The following NEK11 variants were observed in gnomAD, a reference collection of about 807,000 sequenced individuals.
The protein encoded by NEK11 is serine/threonine-protein kinase Nek11.
NEK11 carries 72 observed loss-of-function variants against 80.7 expected under a neutral mutation model. That is an observed-to-expected ratio of 0.89 (90% confidence interval 0.74 to 1.08). The LOEUF is 1.08. NEK11 is among the 50% of genes least tolerant of loss of function. The pLI is 0.00. For synonymous variants in NEK11, 251 were observed against 260.7 expected, an observed-to-expected ratio of 0.96 and a Z score of 0.36; for missense variants, 764 against 763.6, an observed-to-expected ratio of 1.00 and a Z score of -0.01.
chr3:131,143,112 G>C (rs1261428593), intron 7 of NEK11, among the ~76,000 whole-genome samples: 1 of 152,154 alleles, frequency 6.6e-6, no homozygotes, highest in Non-Finnish European at 1.5e-5. Flanking sequence ...GCCAAATGTG[G>C]CTGGTGGCTA....
rs1388654804 is a variant in NEK11, at chr3:131,034,975, A to G, written c.170+5097A>G. On this transcript the variant is annotated intron_variant, in intron 3 of 17. Coordinates refer to ENST00000383366, the MANE Select transcript of NEK11 (RefSeq NM_024800.5). ...TGGTCCTATCCAAGTGCGTATCCAA[A>G]TATTTTACCCCTTAACTGTGATCGT... 2.0e-5 allele frequency among the ~76,000 whole-genome samples: 3 copies of G among 152,168 alleles called. No homozygotes were observed. The East Asian group carries it at 5.8e-4, about 29-fold the overall frequency.
In NEK11 at chr3:131,125,409, T is replaced by C. The variant is rs147681354; in HGVS notation, c.456-7336T>C. ...AATTGATATTTCTGGTTTTAATTAA[T>C]AATAGTAATATTAATTTGGTGGGCA... On this transcript the variant is annotated intron_variant, in intron 5 of 17. Transcript: ENST00000383366. Among the ~76,000 whole-genome samples the C allele has an allele frequency of 4.8e-3, 730 of 152,314 alleles. 10 individuals are homozygous for C. The highest frequency in any genetic ancestry group is 0.017 in the African/African-American group (686 of 41,570).
intron 7 of NEK11, among the ~76,000 whole-genome samples, chr3:131,142,249 G>C (rs2087085699): frequency 6.6e-6 from 1 of 152,190 alleles, no homozygotes; most frequent in South Asian, 2.1e-4. Context: ...TTCCCCCTGT[G>C]GGGGAAGGGA....
chr3:131,226,790 A>G (rs1046833012), intron 14 of NEK11, among the ~76,000 whole-genome samples: 1 of 152,154 alleles, frequency 6.6e-6, no homozygotes, highest in Non-Finnish European at 1.5e-5. Context: ...AAAGTCACCC[A>G]TGTAACCAAA....
chr3:131,207,860 T>C (rs2094491569), intron 14 of NEK11, among the ~76,000 whole-genome samples: 2 of 152,232 alleles, frequency 1.3e-5, no homozygotes, highest in African/African-American at 4.8e-5. Context: ...AGATTCTGTA[T>C]ATTAGCCCTT....
At chr3:131,267,766 C>T (rs925398444) in intron 16 of NEK11, among the ~76,000 whole-genome samples, 5 of 152,088 alleles carry the variant, frequency 3.3e-5, no homozygotes, top group Admixed American at 6.5e-5. Flanking sequence ...TTGCTCTTCT[C>T]GAGGAGTATC....
chr3:131,104,756 C>G (rs1160758418), intron 4 of NEK11, among the ~76,000 whole-genome samples: 3 of 152,150 alleles, frequency 2.0e-5, no homozygotes, highest in Non-Finnish European at 4.4e-5. Context: ...GCTCATGGAG[C>G]TCAATGTGGG....
At chr3:131,122,624 C>T (rs2082584665) in intron 5 of NEK11, among the ~76,000 whole-genome samples, 2 of 152,220 alleles carry the variant, frequency 1.3e-5, no homozygotes, top group South Asian at 2.1e-4. Flanking sequence ...GTTTGTGATC[C>T]ACCCTGAGAA....
rs144558516 is a variant in NEK11, at chr3:131,142,305, C to A, written c.647+8349C>A. Among the ~76,000 whole-genome samples, 26 of 152,290 alleles carry A rather than the reference C, an allele frequency of 1.7e-4. No homozygotes were observed. The East Asian group carries it at 5.0e-3, about 29-fold the overall frequency. On this transcript the variant is annotated intron_variant, in intron 7 of 17. Coordinates refer to ENST00000383366, the MANE Select transcript of NEK11 (RefSeq NM_024800.5). ...CAATCAATCTACCAGGGGAGTCAGT[C>A]TTATTATGATGCCAGCTGGGCTATA...
rs868822409 is a variant in NEK11, at chr3:131,203,281, G to A, written c.1400-25247G>A. Among the ~76,000 whole-genome samples, 124 of 152,036 alleles carry A rather than the reference G, an allele frequency of 8.2e-4. No homozygotes were observed. The Middle Eastern group carries it at 0.017, about 21-fold the overall frequency. On this transcript the variant is annotated intron_variant, in intron 14 of 17. Coordinates refer to ENST00000383366, the MANE Select transcript of NEK11 (RefSeq NM_024800.5). ...ATGATGAGTTCATGTCCTTTGTAGG[G>A]ACATGGATGAAGCTGGAAACCATCA...
chr3:131,202,479 A>G (rs1297898923), intron 14 of NEK11, among the ~76,000 whole-genome samples: 1 of 152,178 alleles, frequency 6.6e-6, no homozygotes, highest in Non-Finnish European at 1.5e-5. Flanking sequence ...ACGCCCATGG[A>G]GCCTTCCTCA....
intron 7 of NEK11, among the ~76,000 whole-genome samples, chr3:131,151,668 T>C (rs1485668084): frequency 6.6e-6 from 1 of 152,022 alleles, no homozygotes; most frequent in East Asian, 1.9e-4. Flanking sequence ...CATTATTTCT[T>C]AATACTAAGC....
At chr3:131,264,454 A>G (rs1469605554) in intron 16 of NEK11, among the ~76,000 whole-genome samples, 2 of 152,170 alleles carry the variant, frequency 1.3e-5, no homozygotes, top group Non-Finnish European at 1.5e-5. Context: ...TCCCAGCACC[A>G]TTTATTAAAT....
At chr3:131,318,282 A>G (rs767094451) in intron 17 of NEK11, among the ~76,000 whole-genome samples, 3 of 152,178 alleles carry the variant, frequency 2.0e-5, no homozygotes, top group Non-Finnish European at 2.9e-5. Flanking sequence ...AAACACAAAT[A>G]TATCCCATTC....
chr3:131,272,284 A>G (rs1300516431), intron 16 of NEK11, among the ~76,000 whole-genome samples: 2 of 151,896 alleles, frequency 1.3e-5, no homozygotes, highest in Non-Finnish European at 2.9e-5. Flanking sequence ...TTTATAAATG[A>G]TCATTGGAGT....
At chr3:131,282,216 G>C (rs1000515349) in intron 17 of NEK11, among the ~76,000 whole-genome samples, 2 of 150,180 alleles carry the variant, frequency 1.3e-5, no homozygotes, top group Non-Finnish European at 2.9e-5. Context: ...CCTTTCCAGG[G>C]CTGCTGATTT....
intron 14 of NEK11, among the ~76,000 whole-genome samples, chr3:131,209,526 T>G (rs1322208086): frequency 6.6e-6 from 1 of 152,192 alleles, no homozygotes; most frequent in African/African-American, 2.4e-5. Flanking sequence ...CTTTTTCTAT[T>G]GATCTATTGA....
At position 131,123,718 on chromosome 3, in the gene NEK11, G is replaced by A. The variant is rs112490207; in HGVS notation, c.456-9027G>A. Among the ~76,000 whole-genome samples, 391 of 151,902 alleles carry A rather than the reference G, an allele frequency of 2.6e-3. 1 individual carries two copies. The highest frequency in any genetic ancestry group is 8.8e-3 in the African/African-American group (366 of 41,446). On this transcript the variant is annotated intron_variant, in intron 5 of 17. Transcript: ENST00000383366. ...GTCATCAGGTGAGTTTCTTTGGAATGTTTTACTTACTCCAAAGTTACAGCA... is the reference window on the plus strand; with the variant it reads ...GTCATCAGGTGAGTTTCTTTGGAATATTTTACTTACTCCAAAGTTACAGCA...
chr3:131,230,812 T>C (rs1285007982), intron 15 of NEK11, among the ~76,000 whole-genome samples: 1 of 152,170 alleles, frequency 6.6e-6, no homozygotes, highest in Non-Finnish European at 1.5e-5. Context: ...TCATCTTGAA[T>C]TGTAGCTCCC....
Sources: allele counts gnomAD v4.1 joint callset (sites outside exome capture counted in the v4.1 genomes callset), GRCh38; gene constraint gnomAD v4.1.1; transcripts MANE v1.5; gene names NCBI Gene and HGNC (gene_info 2026-07-23, HGNC 2026-07-21).